GAPVD1: variants seen among roughly 807,000 people sequenced by gnomAD.
The protein encoded by GAPVD1 is GTPase activating protein and VPS9 domains 1, also known as GTPase-activating protein and VPS9 domain-containing protein 1.
GAPVD1 carries 35 observed loss-of-function variants against 155.5 expected under a neutral mutation model. That is an observed-to-expected ratio of 0.23 (90% confidence interval 0.17 to 0.30). The LOEUF is 0.30. GAPVD1 is among the 10% of genes least tolerant of loss of function. GAPVD1 has a pLI of 1.00. For missense variants in GAPVD1, 1,429 were observed against 1,775.7 expected (o/e 0.80, Z 3.51); for synonymous variants, 636 against 619.7 (o/e 1.03, Z -0.39).
intron 2 of GAPVD1, among the ~76,000 whole-genome samples, chr9:125,278,633 G>A (rs1021889734): frequency 6.6e-6 from 1 of 152,058 alleles, no homozygotes; most frequent in Admixed American, 6.6e-5. Context: ...TCAGGAGTTC[G>A]AGACCAGTCT....
At chr9:125,353,146 A>G (rs1436648414) in intron 23 of GAPVD1, among the ~76,000 whole-genome samples, 1 of 152,112 alleles carries the variant, frequency 6.6e-6, no homozygotes, top group Admixed American at 6.6e-5. Context: ...ATAGCACCCA[A>G]GTCACCTCTT....
At chr9:125,293,117 A>G (rs1838867879) in intron 2 of GAPVD1, among the ~76,000 whole-genome samples, 1 of 152,180 alleles carries the variant, frequency 6.6e-6, no homozygotes, top group Non-Finnish European at 1.5e-5. Flanking sequence ...CCAATGTGAG[A>G]GTAGAACTTG....
rs1161661604 is a variant in GAPVD1 at position 125,293,852 on chromosome 9, TTATATATATATATATATATATATATATA to T, written c.-149-1581_-149-1554del. On this transcript the variant is annotated intron_variant, in intron 2 of 27. Coordinates refer to ENST00000297933, the MANE Select transcript of GAPVD1 (RefSeq NM_001282680.3). ...AAAAATATATATATAAAAATATATT[TTATATATATATATATATATATATATATA>T]TATATATATATATATATATATATAA... Among the ~76,000 whole-genome samples the T allele has an allele frequency of 2.5e-3, 87 of 35,198 alleles. 3 individuals carry two copies. Among genetic ancestry groups the T allele is most frequent in the South Asian group, 0.019 (19 of 1,016 alleles). 23.1% of individuals were successfully genotyped at this position (35,198 alleles called of 152,430 possible).
In GAPVD1 at chr9:125,330,145, C is replaced by T. The variant is rs376991418; in HGVS notation, c.2100C>T (p.Asp700=). ...CLPGSGSVLL[D]PCTGSTISET... ...CAGGTTCAGGGTCAGTGCTTCTTGA[C>T]CCCTGCACTGGTTCTACCATATCAG... Residue 700 remains aspartate, a synonymous_variant, in exon 13 of 28, where the codon GAC becomes GAT. Coordinates refer to ENST00000297933, the MANE Select transcript of GAPVD1 (RefSeq NM_001282680.3). 16 of 1,610,130 alleles carry T rather than the reference C, an allele frequency of 9.9e-6. No homozygotes were observed. The highest frequency in any genetic ancestry group is 8.0e-5 in the African/African-American group (6 of 74,950).
chr9:125,296,358 G>GTTTTTTTTTTTTTTT (rs1554758517), intron 3 of GAPVD1, among the ~76,000 whole-genome samples: 37 of 121,734 alleles, frequency 3.0e-4, no homozygotes, highest in African/African-American at 1.2e-3. Flanking sequence ...TAGTTCTTAG[G>GTTTTTTTTTTTTTTT]TTTTTTTTTT....
At chr9:125,270,451 CT>C (rs1834711988) in intron 2 of GAPVD1, among the ~76,000 whole-genome samples, 1 of 151,906 alleles carries the variant, frequency 6.6e-6, no homozygotes, top group East Asian at 1.9e-4. Flanking sequence ...ACAAAAGAAT[CT>C]TTCCTTCTTT....
At chr9:125,324,419 C>T (rs182848571) in intron 11 of GAPVD1, among the ~76,000 whole-genome samples, 8 of 152,004 alleles carry the variant, frequency 5.3e-5, no homozygotes, top group Admixed American at 2.0e-4. Context: ...GGAGAAAGCC[C>T]GTCTCTACTG....
At chr9:125,336,793 A>T in intron 15 of GAPVD1, 1 of 516,896 alleles carries the variant, frequency 1.9e-6, no homozygotes, top group East Asian at 3.4e-5. Context: ...AGGCATGTAG[A>T]TGCCAGACCA....
At chr9:125,332,908 T>C (rs1846290076) in intron 15 of GAPVD1, among the ~76,000 whole-genome samples, 1 of 152,206 alleles carries the variant, frequency 6.6e-6, no homozygotes. Flanking sequence ...TAGAAATAAC[T>C]TAAAAAATTG....
chr9:125,318,109 C>G (rs563979207), intron 9 of GAPVD1, among the ~76,000 whole-genome samples: 18 of 152,314 alleles, frequency 1.2e-4, no homozygotes, highest in African/African-American at 3.8e-4. Context: ...CTCAGCTTCC[C>G]TAGTAGCTGG....
At chr9:125,312,397 C>A in intron 8 of GAPVD1, 55 bp from the exon 9 acceptor site, 1 of 1,104,580 alleles carries the variant, frequency 9.1e-7, no homozygotes, top group East Asian at 2.7e-5. Flanking sequence ...TTTAGCATAC[C>A]ATTTTCTTCA....
At chr9:125,330,703 G>A (rs1419840885) in intron 13 of GAPVD1, among the ~76,000 whole-genome samples, 1 of 152,200 alleles carries the variant, frequency 6.6e-6, no homozygotes, top group Non-Finnish European at 1.5e-5. Flanking sequence ...GTCCATTAAG[G>A]GAAAATGCTC....
At chr9:125,347,373 T>C (rs1484050290) in intron 20 of GAPVD1, among the ~76,000 whole-genome samples, 2 of 152,238 alleles carry the variant, frequency 1.3e-5, no homozygotes, top group Non-Finnish European at 2.9e-5. Context: ...GAATACTGAA[T>C]AGCTTTCAGA....
At position 125,307,435 on chromosome 9, in the gene GAPVD1, A is replaced by ATGT. The variant is rs1358972976; in HGVS notation, c.1143_1145dup (p.Val382dup). The ATGT allele has an allele frequency of 6.2e-7, 1 of 1,608,138 alleles. No homozygotes were observed. On this transcript the variant is annotated inframe_insertion, in exon 7 of 28. Coordinates refer to ENST00000297933, the MANE Select transcript of GAPVD1 (RefSeq NM_001282680.3). ...CAGAGCTGTGTTGCCGCTTTCCTTG[A>ATGT]TGTTGTGATTGGGGGCCGTGCAGTG...
intron 15 of GAPVD1, among the ~76,000 whole-genome samples, chr9:125,335,512 C>G (rs1846781431): frequency 6.6e-6 from 1 of 151,956 alleles, no homozygotes; most frequent in Non-Finnish European, 1.5e-5. Context: ...CCCATCTCTA[C>G]TAAAAATACA....
chr9:125,340,493 G>T (rs1469905291), intron 17 of GAPVD1, among the ~76,000 whole-genome samples: 1 of 152,052 alleles, frequency 6.6e-6, no homozygotes, highest in Non-Finnish European at 1.5e-5. Flanking sequence ...GATAAAAAAG[G>T]CCGAATATAG....
chr9:125,277,113 T>C (rs1438606877), intron 2 of GAPVD1, among the ~76,000 whole-genome samples: 1 of 152,182 alleles, frequency 6.6e-6, no homozygotes, highest in Non-Finnish European at 1.5e-5. Context: ...TGGAACTAAG[T>C]AGCAGCTTGA....
intron 2 of GAPVD1, among the ~76,000 whole-genome samples, chr9:125,289,785 T>C (rs1019677704): frequency 1.3e-5 from 2 of 152,156 alleles, no homozygotes; most frequent in Admixed American, 6.6e-5. Context: ...ATCACTTTGA[T>C]GGTACTTAAA....
At chr9:125,286,948 G>T (rs1374501379) in intron 2 of GAPVD1, among the ~76,000 whole-genome samples, 1 of 152,082 alleles carries the variant, frequency 6.6e-6, no homozygotes. Flanking sequence ...GCTGGACGTG[G>T]TCGGGGGTGC....
Sources: allele counts gnomAD v4.1 joint callset (sites outside exome capture counted in the v4.1 genomes callset), GRCh38; gene constraint gnomAD v4.1.1; transcripts MANE v1.5; gene names NCBI Gene and HGNC (gene_info 2026-07-23, HGNC 2026-07-21).